The following ELOVL6 variants were observed in gnomAD, a reference collection of about 807,000 sequenced individuals.
ELOVL6 encodes very long chain fatty acid elongase 6.
Under a neutral mutation model 31.7 loss-of-function variants are expected in ELOVL6, and 8 were observed. That is an observed-to-expected ratio of 0.25 (90% CI 0.15 to 0.45). The LOEUF is 0.45. Among genes scored for constraint, ELOVL6 ranks in the 20% least tolerant of loss-of-function variants. ELOVL6 has a pLI of 1.00. For missense variants in ELOVL6, 126 were observed against 326.4 expected (o/e 0.39, Z 4.73); for synonymous variants, 101 against 117.7 (o/e 0.86, Z 0.92).
intron 1 of ELOVL6, among the ~76,000 whole-genome samples, chr4:110,120,634 T>G (rs1757318735): frequency 6.6e-6 from 1 of 152,058 alleles, no homozygotes. Context: ...AGTAATTACT[T>G]TTTAAAAACT....
intron 2 of ELOVL6, among the ~76,000 whole-genome samples, chr4:110,066,637 C>CAAA (rs1209180349): frequency 2.7e-4 from 15 of 56,562 alleles, no homozygotes; most frequent in South Asian, 8.5e-4. Context: ...TCTGTCTCAA[C>CAAA]AAAAAAAAAA....
intron 3 of ELOVL6, among the ~76,000 whole-genome samples, chr4:110,058,404 G>C (rs1578443852): frequency 6.6e-6 from 1 of 152,112 alleles, no homozygotes; most frequent in African/African-American, 2.4e-5. Flanking sequence ...TTCTTCTGTT[G>C]TTCTTCCCTT....
At chr4:110,091,660 G>C (rs1267091457) in intron 2 of ELOVL6, among the ~76,000 whole-genome samples, 1 of 152,124 alleles carries the variant, frequency 6.6e-6, no homozygotes, top group African/African-American at 2.4e-5. Flanking sequence ...TTCTGCTCCA[G>C]TTCCGGGTTA....
At chr4:110,185,196 C>T (rs1759402989) in intron 1 of ELOVL6, among the ~76,000 whole-genome samples, 1 of 152,164 alleles carries the variant, frequency 6.6e-6, no homozygotes, top group African/African-American at 2.4e-5. Context: ...TATCAGCAAT[C>T]ACAAAATACA....
intron 2 of ELOVL6, among the ~76,000 whole-genome samples, chr4:110,066,680 A>AT (rs1755314857): frequency 6.7e-6 from 1 of 148,844 alleles, no homozygotes; most frequent in Admixed American, 6.7e-5. Flanking sequence ...TGGCATCTCC[A>AT]TGTCAATATC....
At chr4:110,139,576 A>C (rs535555144) in intron 1 of ELOVL6, among the ~76,000 whole-genome samples, 49 of 152,186 alleles carry the variant, frequency 3.2e-4, no homozygotes, top group African/African-American at 1.1e-3. Flanking sequence ...GTCTTTTTTC[A>C]GACGTATTTT....
intron 1 of ELOVL6, among the ~76,000 whole-genome samples, chr4:110,142,912 T>C (rs1167948600): frequency 6.6e-6 from 1 of 152,180 alleles, no homozygotes; most frequent in Non-Finnish European, 1.5e-5. Context: ...TCTAAAATGA[T>C]TGTTGACTTG....
At chr4:110,170,169 T>C (rs1243392210) in intron 1 of ELOVL6, among the ~76,000 whole-genome samples, 1 of 152,200 alleles carries the variant, frequency 6.6e-6, no homozygotes, top group Non-Finnish European at 1.5e-5. Flanking sequence ...TCTCCAGCCT[T>C]AAGAACATGC....
At chr4:110,113,364 G>T (rs1384200654) in intron 1 of ELOVL6, among the ~76,000 whole-genome samples, 1 of 151,910 alleles carries the variant, frequency 6.6e-6, no homozygotes, top group Non-Finnish European at 1.5e-5. Context: ...AATATTACTT[G>T]TCCCAGGAGT....
In ELOVL6 at chr4:110,107,727, A is replaced by G. The variant is rs531385266; in HGVS notation, c.90-2099T>C. Among the ~76,000 whole-genome samples the G allele has an allele frequency of 4.5e-4, 68 of 152,298 alleles. 1 individual carries two copies. The highest frequency in any genetic ancestry group is 3.3e-3 in the Admixed American group (51 of 15,298). On this transcript the variant is annotated intron_variant, in intron 1 of 3. Coordinates refer to ENST00000302274, the MANE Select transcript of ELOVL6 (RefSeq NM_024090.3). ...TATAAGCAAAGACTAAAGAAAAATA[A>G]AGTTCTACCAAGTTAATGTAGGTGA...
intron 3 of ELOVL6, among the ~76,000 whole-genome samples, chr4:110,057,366 A>G (rs1191992886): frequency 6.6e-6 from 1 of 151,982 alleles, no homozygotes; most frequent in Non-Finnish European, 1.5e-5. Context: ...AAAGGTAGAA[A>G]CTGTTGAAGT....
intron 1 of ELOVL6, among the ~76,000 whole-genome samples, chr4:110,107,707 G>A (rs1756925263): frequency 1.3e-5 from 2 of 152,182 alleles, no homozygotes; most frequent in South Asian, 4.1e-4. Context: ...GCACATATAA[G>A]CAAAGACTAA....
At chr4:110,139,333 C>G (rs1269207554) in intron 1 of ELOVL6, among the ~76,000 whole-genome samples, 1 of 152,132 alleles carries the variant, frequency 6.6e-6, no homozygotes, top group Non-Finnish European at 1.5e-5. Flanking sequence ...GGGCTCCAGT[C>G]TGTCAATATT....
intron 1 of ELOVL6, among the ~76,000 whole-genome samples, chr4:110,142,660 C>T (rs1757997331): frequency 6.6e-6 from 1 of 152,200 alleles, no homozygotes; most frequent in Non-Finnish European, 1.5e-5. Flanking sequence ...CTTCCTCCTT[C>T]AGGTAGATCA....
At chr4:110,196,003 A>AT (rs977319487) in intron 1 of ELOVL6, among the ~76,000 whole-genome samples, 7 of 152,306 alleles carry the variant, frequency 4.6e-5, no homozygotes, top group Admixed American at 1.3e-4. Context: ...ACGTTGGCAC[A>AT]TTTTTGTCAT....
intron 1 of ELOVL6, among the ~76,000 whole-genome samples, chr4:110,154,908 AAG>A (rs1045331803): frequency 3.2e-4 from 48 of 152,344 alleles, no homozygotes; most frequent in African/African-American, 1.1e-3. Flanking sequence ...ACTTTCCACA[AAG>A]AGAGATCTGA....
At chr4:110,189,313 G>A (rs138230439) in intron 1 of ELOVL6, among the ~76,000 whole-genome samples, 4,667 of 151,916 alleles carry the variant, frequency 0.031, 242 homozygotes, top group Admixed American at 0.13. Flanking sequence ...GAGGCTAGAC[G>A]CAGTGGCTCA....
At chr4:110,117,096 A>T (rs1046725828) in intron 1 of ELOVL6, among the ~76,000 whole-genome samples, 4 of 152,110 alleles carry the variant, frequency 2.6e-5, no homozygotes, top group African/African-American at 9.7e-5. Context: ...CCTTCAGAGG[A>T]TATTTTGAAA....
chr4:110,188,477 G>A (rs1400332322), intron 1 of ELOVL6, among the ~76,000 whole-genome samples: 2 of 152,086 alleles, frequency 1.3e-5, no homozygotes. Context: ...CCTTATTCAA[G>A]CCTGGAACCC....
Sources: allele counts gnomAD v4.1 joint callset (sites outside exome capture counted in the v4.1 genomes callset), GRCh38; gene constraint gnomAD v4.1.1; transcripts MANE v1.5; gene names NCBI Gene and HGNC (gene_info 2026-07-23, HGNC 2026-07-21).